Variants in PTPRD observed in about 807,000 individuals in gnomAD.
PTPRD encodes the protein protein tyrosine phosphatase receptor type D.
Under a neutral mutation model 214.5 loss-of-function variants are expected in PTPRD, and 34 were observed. The observed-to-expected ratio is 0.16, with a 90% CI of 0.12 to 0.21. PTPRD has a LOEUF of 0.21. Among genes scored for constraint, PTPRD ranks in the 10% least tolerant of loss-of-function variants. PTPRD has a pLI of 1.00. For missense variants in PTPRD, 2,545 were observed against 2,398.7 expected, an observed-to-expected ratio of 1.06 and a Z score of -1.27; for synonymous variants, 1,128 against 845.7, an observed-to-expected ratio of 1.33 and a Z score of -5.79.
intron 2 of PTPRD, among the ~76,000 whole-genome samples, chr9:10,601,102 T>C (rs2077851409): frequency 1.3e-5 from 2 of 151,914 alleles, no homozygotes; most frequent in South Asian, 4.1e-4. Flanking sequence ...CCAAGATTTT[T>C]TCTTAACATT....
intron 3 of PTPRD, among the ~76,000 whole-genome samples, chr9:10,253,632 G>C (rs2092987908): frequency 6.6e-6 from 1 of 152,128 alleles, no homozygotes; most frequent in Non-Finnish European, 1.5e-5. Flanking sequence ...ACTGTTTCAA[G>C]AAAAATCTGT....
intron 11 of PTPRD, among the ~76,000 whole-genome samples, chr9:8,940,835 G>C (rs2099029362): frequency 7.3e-6 from 1 of 136,842 alleles, no homozygotes; most frequent in African/African-American, 2.5e-5. Context: ...TAGTGATGAT[G>C]ATGATGATGA....
At chr9:10,341,267 A>G (rs2096934170) in intron 2 of PTPRD, among the ~76,000 whole-genome samples, 1 of 152,008 alleles carries the variant, frequency 6.6e-6, no homozygotes, top group Non-Finnish European at 1.5e-5. Flanking sequence ...CTCAGAAAGT[A>G]CATACAAGAA....
chr9:9,773,622 G>GT (rs2098771600), intron 5 of PTPRD, among the ~76,000 whole-genome samples: 1 of 152,140 alleles, frequency 6.6e-6, no homozygotes, highest in Non-Finnish European at 1.5e-5. Context: ...GAATGAAACA[G>GT]TCTAAGCCTT....
At chr9:9,473,556 G>C (rs1204504371) in intron 8 of PTPRD, among the ~76,000 whole-genome samples, 2 of 152,108 alleles carry the variant, frequency 1.3e-5, no homozygotes, top group African/African-American at 4.8e-5. Context: ...CCCCCATCCT[G>C]TTTTTCACAA....
intron 2 of PTPRD, among the ~76,000 whole-genome samples, chr9:10,410,311 T>C (rs114757123): frequency 0.018 from 2,520 of 137,558 alleles, 65 homozygotes; most frequent in African/African-American, 0.059. Context: ...AATATATATA[T>C]AAAACATAAA....
At chr9:9,976,689 C>CAAAAAAAAAAAAAAAAAGAA (rs2095365723) in intron 4 of PTPRD, among the ~76,000 whole-genome samples, 1 of 63,268 alleles carries the variant, frequency 1.6e-5, no homozygotes, top group Non-Finnish European at 2.6e-5. Context: ...ACCCTGCCAC[C>CAAAAAAAAAAAAAAAAAGAA]AAAAAAAAAA....
chr9:9,325,834 A>T (rs1193285699), intron 9 of PTPRD, among the ~76,000 whole-genome samples: 1 of 152,200 alleles, frequency 6.6e-6, no homozygotes, highest in Non-Finnish European at 1.5e-5. Context: ...TGGGCTTGTC[A>T]TAAATAACTC....
At chr9:9,756,089 G>A in intron 6 of PTPRD, among the ~76,000 whole-genome samples, 1 of 151,838 alleles carries the variant, frequency 6.6e-6, no homozygotes, top group African/African-American at 2.4e-5. Context: ...TTTTTAGATT[G>A]AGGATATCTG....
intron 5 of PTPRD, among the ~76,000 whole-genome samples, chr9:9,891,056 A>G (rs1317532232): frequency 1.3e-5 from 2 of 152,160 alleles, no homozygotes; most frequent in African/African-American, 2.4e-5. Flanking sequence ...AGCTAAGATT[A>G]TCTTTCATTG....
At chr9:10,408,814 G>A (rs1473444246) in intron 2 of PTPRD, among the ~76,000 whole-genome samples, 1 of 151,672 alleles carries the variant, frequency 6.6e-6, no homozygotes, top group Non-Finnish European at 1.5e-5. Flanking sequence ...AGAACATTGA[G>A]GGAATTACAG....
At chr9:9,109,799 G>C (rs1196433522) in intron 10 of PTPRD, among the ~76,000 whole-genome samples, 1 of 152,044 alleles carries the variant, frequency 6.6e-6, no homozygotes, top group Non-Finnish European at 1.5e-5. Context: ...TTTTGATTCT[G>C]CCTAGATATG....
At position 9,114,444 on chromosome 9, in the gene PTPRD, T is replaced by A. The variant is rs1430875684; in HGVS notation, c.-143+68860A>T. Among the ~76,000 whole-genome samples the A allele has an allele frequency of 2.9e-4, 44 of 152,126 alleles. 1 individual carries two copies. Among genetic ancestry groups the A allele is most frequent in the Admixed American group, 2.9e-3 (44 of 15,258 alleles). On this transcript the variant is annotated intron_variant, in intron 10 of 45. Coordinates refer to ENST00000381196, the MANE Select transcript of PTPRD (RefSeq NM_002839.4). Reference sequence around the variant, plus strand: ...ACATGTAAAACCTCAGTGGGATCATTTGGTCCTGTAGGTGGGCACAATCTG... The same window carrying A: ...ACATGTAAAACCTCAGTGGGATCATATGGTCCTGTAGGTGGGCACAATCTG...
chr9:9,676,756 T>C (rs2096938959), intron 7 of PTPRD, among the ~76,000 whole-genome samples: 1 of 152,110 alleles, frequency 6.6e-6, no homozygotes, highest in Non-Finnish European at 1.5e-5. Flanking sequence ...TGTAAAAGTG[T>C]TCCTATTTCT....
chr9:9,209,742 G>A (rs1031842702), intron 9 of PTPRD, among the ~76,000 whole-genome samples: 6 of 152,140 alleles, frequency 3.9e-5, no homozygotes, highest in Non-Finnish European at 8.8e-5. Flanking sequence ...TTTTATAAGT[G>A]TTTAAAATTT....
At chr9:8,508,075 A>G (rs978020348) in intron 21 of PTPRD, among the ~76,000 whole-genome samples, 3 of 152,200 alleles carry the variant, frequency 2.0e-5, no homozygotes, top group Non-Finnish European at 2.9e-5. Context: ...TTAAAGAACT[A>G]CACCTAATAC....
At chr9:8,978,665 G>C (rs930813243) in intron 11 of PTPRD, among the ~76,000 whole-genome samples, 4 of 152,082 alleles carry the variant, frequency 2.6e-5, no homozygotes, top group Non-Finnish European at 4.4e-5. Context: ...TCTCCACCTT[G>C]GCTTGTGCCA....
At chr9:8,643,013 A>T (rs752446274) in intron 12 of PTPRD, among the ~76,000 whole-genome samples, 11 of 152,148 alleles carry the variant, frequency 7.2e-5, no homozygotes, top group Non-Finnish European at 1.5e-4. Context: ...GCCTGTGGGG[A>T]CAGTGAATCT....
At chr9:8,827,764 G>C (rs971121542) in intron 11 of PTPRD, among the ~76,000 whole-genome samples, 4 of 151,832 alleles carry the variant, frequency 2.6e-5, no homozygotes, top group Admixed American at 1.3e-4. Context: ...ATTTATTATT[G>C]TTTACTAGTG....
Sources: gnomAD v4.1 joint callset for allele counts (sites outside exome capture counted in the v4.1 genomes callset) on GRCh38, gnomAD v4.1.1 for gene constraint, MANE v1.5 for transcripts, NCBI Gene and HGNC (gene_info 2026-07-23, HGNC 2026-07-21) for gene names.